EFNA5: variants seen among roughly 807,000 people sequenced by gnomAD.
EFNA5 encodes ephrin-A5.
Under a neutral mutation model 22.9 loss-of-function variants are expected in EFNA5, and 5 were observed. The ratio of observed to expected loss-of-function variants is 0.22; its 90% CI spans 0.11 to 0.46. The LOEUF (loss-of-function observed/expected upper bound fraction) is 0.46, where lower values mean the gene tolerates loss of function less well. Ranked by LOEUF, EFNA5 falls within the 20% of genes least tolerant of loss-of-function variation. EFNA5 has a pLI of 0.99. For missense variants in EFNA5, 237 were observed against 293.3 expected (o/e 0.81, Z 1.40); for synonymous variants, 113 against 112.2 (o/e 1.01, Z -0.04).
intron 1 of EFNA5, among the ~76,000 whole-genome samples, chr5:107,669,786 C>CG (rs2112566745): frequency 6.6e-6 from 1 of 152,166 alleles, no homozygotes; most frequent in African/African-American, 2.4e-5. Context: ...TGACGTAACC[C>CG]GGCATTAGAT....
intron 1 of EFNA5, among the ~76,000 whole-genome samples, chr5:107,638,798 A>T (rs1750439797): frequency 6.6e-6 from 1 of 152,184 alleles, no homozygotes; most frequent in African/African-American, 2.4e-5. Flanking sequence ...AACAGAATAG[A>T]TCTTAAGCGT....
At chr5:107,569,547 G>GTATATATATATTTATATATATATATA (rs1561435911) in intron 1 of EFNA5, among the ~76,000 whole-genome samples, 18 of 104,412 alleles carry the variant, frequency 1.7e-4, no homozygotes, top group African/African-American at 5.2e-4. Flanking sequence ...ATATATGTGT[G>GTATATATATATTTATATATATATATA]TATATATATA....
intron 1 of EFNA5, among the ~76,000 whole-genome samples, chr5:107,513,299 G>A (rs1747412062): frequency 6.6e-6 from 1 of 152,140 alleles, no homozygotes; most frequent in Non-Finnish European, 1.5e-5. Flanking sequence ...ATAAAAGCCT[G>A]TTGGGATTTA....
intron 1 of EFNA5, among the ~76,000 whole-genome samples, chr5:107,603,278 C>T (rs994730978): frequency 1.7e-4 from 26 of 152,142 alleles, no homozygotes; most frequent in African/African-American, 6.3e-4. Context: ...GGAATTTTCC[C>T]CCATTCCAGT....
chr5:107,633,327 G>A (rs1296775502), intron 1 of EFNA5, among the ~76,000 whole-genome samples: 3 of 152,286 alleles, frequency 2.0e-5, no homozygotes, highest in Middle Eastern at 3.4e-3. Flanking sequence ...GTAAAAACCC[G>A]ATGTGCTCTT....
chr5:107,499,822 G>GA (rs917891856), intron 1 of EFNA5, among the ~76,000 whole-genome samples: 4 of 151,896 alleles, frequency 2.6e-5, no homozygotes, highest in Non-Finnish European at 4.4e-5. Flanking sequence ...GTTCCAGGGA[G>GA]AAAAAAAATT....
intron 1 of EFNA5, among the ~76,000 whole-genome samples, chr5:107,652,372 A>T (rs2112553661): frequency 6.6e-6 from 1 of 152,318 alleles, no homozygotes; most frequent in African/African-American, 2.4e-5. Context: ...CTCTCCAGAA[A>T]GTAGTTTCTG....
chr5:107,495,563 A>C (rs920761416), intron 1 of EFNA5, among the ~76,000 whole-genome samples: 1 of 152,170 alleles, frequency 6.6e-6, no homozygotes, highest in Non-Finnish European at 1.5e-5. Flanking sequence ...TTAAACTTTT[A>C]ACGTTATTCA....
chr5:107,649,540 T>C (rs1750688234), intron 1 of EFNA5, among the ~76,000 whole-genome samples: 1 of 152,176 alleles, frequency 6.6e-6, no homozygotes, highest in Admixed American at 6.5e-5. Flanking sequence ...GCATTTTACA[T>C]GCGTTTACTT....
chr5:107,617,907 T>C (rs1321385654), intron 1 of EFNA5, among the ~76,000 whole-genome samples: 3 of 152,070 alleles, frequency 2.0e-5, no homozygotes, highest in Non-Finnish European at 4.4e-5. Flanking sequence ...GTACCTACTA[T>C]AACAGCTACT....
At chr5:107,567,015 T>C (rs1337827068) in intron 1 of EFNA5, among the ~76,000 whole-genome samples, 1 of 152,216 alleles carries the variant, frequency 6.6e-6, no homozygotes, top group East Asian at 1.9e-4. Flanking sequence ...AATATTTACT[T>C]TAAAAAAATC....
chr5:107,382,452 A>G (rs1297875205), intron 4 of EFNA5, among the ~76,000 whole-genome samples: 1 of 152,174 alleles, frequency 6.6e-6, no homozygotes, highest in East Asian at 1.9e-4. Context: ...AGCTCACTAT[A>G]GTCTTGACCT....
At chr5:107,436,445 G>C (rs955469091) in intron 1 of EFNA5, among the ~76,000 whole-genome samples, 2 of 152,150 alleles carry the variant, frequency 1.3e-5, no homozygotes, top group African/African-American at 4.8e-5. Context: ...GAGTTCTAAA[G>C]ACCTAACACA....
intron 2 of EFNA5, among the ~76,000 whole-genome samples, chr5:107,409,187 T>A (rs1313413912): frequency 1.3e-5 from 2 of 152,216 alleles, no homozygotes; most frequent in Non-Finnish European, 2.9e-5. Flanking sequence ...AATGAACTCA[T>A]AAAGACAGGA....
intron 1 of EFNA5, among the ~76,000 whole-genome samples, chr5:107,495,398 C>T (rs35236134): frequency 3.3e-5 from 5 of 152,094 alleles, no homozygotes; most frequent in Non-Finnish European, 5.9e-5. Flanking sequence ...TGAACACATC[C>T]GAACATCAGA....
At chr5:107,515,556 T>C (rs1284150829) in intron 1 of EFNA5, among the ~76,000 whole-genome samples, 1 of 151,818 alleles carries the variant, frequency 6.6e-6, no homozygotes, top group African/African-American at 2.4e-5. Context: ...TTTTGTGTTT[T>C]TCGTAGAGAC....
intron 1 of EFNA5, among the ~76,000 whole-genome samples, chr5:107,522,858 T>G (rs1017684550): frequency 6.6e-6 from 1 of 152,208 alleles, no homozygotes; most frequent in African/African-American, 2.4e-5. Flanking sequence ...CTCTAATTCT[T>G]TTGTTTATTC....
chr5:107,462,533 G>A (rs1749861509), intron 1 of EFNA5, among the ~76,000 whole-genome samples: 7 of 152,120 alleles, frequency 4.6e-5, no homozygotes, highest in African/African-American at 1.7e-4. Flanking sequence ...ATCACACACA[G>A]CATGGCCCTT....
At chr5:107,573,225 A>G (rs2112488464) in intron 1 of EFNA5, among the ~76,000 whole-genome samples, 1 of 152,238 alleles carries the variant, frequency 6.6e-6, no homozygotes, top group East Asian at 1.9e-4. Context: ...CACAGAGGAC[A>G]GAGAAGGCAA....
Sources: gnomAD v4.1 joint callset for allele counts (sites outside exome capture counted in the v4.1 genomes callset) on GRCh38, gnomAD v4.1.1 for gene constraint, MANE v1.5 for transcripts, NCBI Gene and HGNC (gene_info 2026-07-23, HGNC 2026-07-21) for gene names.